Variants in MIS18A observed in about 807,000 individuals in gnomAD.
The protein encoded by MIS18A is MIS18 kinetochore protein A.
Under a neutral mutation model 25.0 loss-of-function variants are expected in MIS18A, and 14 were observed. That is an observed-to-expected ratio of 0.56 (90% confidence interval 0.37 to 0.88). The LOEUF is 0.88. Ranked by LOEUF, MIS18A falls within the 40% of genes least tolerant of loss-of-function variation. The pLI is 0.00. For synonymous variants in MIS18A, 134 were observed against 118.6 expected (o/e 1.13, Z -0.84); for missense variants, 292 against 290.8 (o/e 1.00, Z -0.03).
At chr21:32,199,217 G>C in the MIS18A span, among the ~76,000 whole-genome samples, 1 of 152,098 alleles carries the variant, frequency 6.6e-6, no homozygotes, top group South Asian at 2.1e-4. Flanking sequence ...ACAGGTTTAG[G>C]TATTTTAGGG....
the MIS18A span, among the ~76,000 whole-genome samples, chr21:32,257,251 T>C: frequency 1.3e-5 from 2 of 152,214 alleles, no homozygotes; most frequent in East Asian, 3.8e-4. Context: ...GTAACTCAAA[T>C]GATGGCAAAA....
rs747883684 is a variant in MIS18A at position 32,268,881 on chromosome 21, C to T, written c.*156G>A. 4.1e-5 allele frequency: 21 copies of T among 514,342 alleles called. No individual in the cohort carries two copies. The highest frequency in any genetic ancestry group is 6.2e-5 in the Non-Finnish European group (18 of 288,090). The allele number at this position is 514,342 out of a possible 1,614,324, so 31.9% of individuals were successfully genotyped here. A position where few individuals can be genotyped will look rare whatever the true frequency, so the allele number is the denominator to read the frequency against. Reference sequence around the variant, plus strand: ...CCAAGGCTCACTGCAGCCTCAACCTCCCAAGCTCATCTGATCCTCCCACCT... The same window carrying T: ...CCAAGGCTCACTGCAGCCTCAACCTTCCAAGCTCATCTGATCCTCCCACCT... On this transcript the variant is annotated 3_prime_UTR_variant, in exon 5 of 5. Coordinates refer to ENST00000290130, the MANE Select transcript of MIS18A (RefSeq NM_018944.3).
At chr21:32,274,497 T>C (rs7283034) in intron 2 of MIS18A, among the ~76,000 whole-genome samples, 80,183 of 151,934 alleles carry the variant, frequency 0.53, 23,594 homozygotes, top group African/African-American at 0.8. Flanking sequence ...TGAGCCACCG[T>C]GCCCGACCTT....
the MIS18A span, among the ~76,000 whole-genome samples, chr21:32,248,081 G>A: frequency 2.6e-5 from 4 of 152,274 alleles, no homozygotes; most frequent in Admixed American, 2.6e-4. Context: ...GCCCCAGAAC[G>A]GCTCTGGTCT....
At chr21:32,174,429 A>G in the MIS18A span, among the ~76,000 whole-genome samples, 2 of 152,218 alleles carry the variant, frequency 1.3e-5, no homozygotes, top group Non-Finnish European at 2.9e-5. Flanking sequence ...CTTTAAGACA[A>G]GAAGCACTGC....
At chr21:32,206,497 C>A in the MIS18A span, among the ~76,000 whole-genome samples, 17 of 152,074 alleles carry the variant, frequency 1.1e-4, no homozygotes, top group Non-Finnish European at 2.2e-4. Context: ...CCTCTTTTGT[C>A]TTGGAGTTTT....
intron 2 of MIS18A, among the ~76,000 whole-genome samples, chr21:32,270,787 T>C (rs1396883675): frequency 6.6e-6 from 1 of 152,230 alleles, no homozygotes; most frequent in African/African-American, 2.4e-5. Flanking sequence ...GGTGTTTTTC[T>C]AGAATATAAA....
the MIS18A span, among the ~76,000 whole-genome samples, chr21:32,155,941 C>T: frequency 3.0e-3 from 367 of 120,342 alleles, 2 homozygotes; most frequent in Non-Finnish European, 4.9e-3. Flanking sequence ...ACCAGTGTCA[C>T]CAATTGTTAG....
At chr21:32,205,757 G>A in the MIS18A span, among the ~76,000 whole-genome samples, 1 of 152,142 alleles carries the variant, frequency 6.6e-6, no homozygotes, top group African/African-American at 2.4e-5. Flanking sequence ...TGCCTGAGGG[G>A]GTTGGCAGCT....
chr21:32,196,811 AG>A, the MIS18A span, among the ~76,000 whole-genome samples: 1 of 151,508 alleles, frequency 6.6e-6, no homozygotes, highest in Non-Finnish European at 1.5e-5. Context: ...ATAGAGAGAT[AG>A]GTCGGATAGA....
At chr21:32,257,071 G>A in the MIS18A span, among the ~76,000 whole-genome samples, 1 of 152,154 alleles carries the variant, frequency 6.6e-6, no homozygotes, top group Non-Finnish European at 1.5e-5. Context: ...CCAGGGGCTG[G>A]CATCACGGGA....
intron 3 of MIS18A, 70 bp downstream of exon 3, chr21:32,270,337 T>C: frequency 6.4e-7 from 1 of 1,558,130 alleles, no homozygotes; most frequent in South Asian, 1.1e-5. Flanking sequence ...ATTGATTTAG[T>C]TCTGACAATT....
chr21:32,263,807 CTT>C (rs60800890), downstream of MIS18A, among the ~76,000 whole-genome samples: 13 of 121,054 alleles, frequency 1.1e-4, no homozygotes, highest in Admixed American at 1.7e-4. Flanking sequence ...GGGAAGCCTT[CTT>C]TTTTTTTTTT....
chr21:32,205,389 A>T, the MIS18A span, among the ~76,000 whole-genome samples: 4 of 151,958 alleles, frequency 2.6e-5, no homozygotes, highest in Non-Finnish European at 4.4e-5. Flanking sequence ...AGGCGAATTC[A>T]TCCTTCTTAT....
At chr21:32,167,616 T>C in the MIS18A span, among the ~76,000 whole-genome samples, 3 of 152,112 alleles carry the variant, frequency 2.0e-5, no homozygotes, top group Non-Finnish European at 4.4e-5. Context: ...AAAAACAGCA[T>C]AAGAGACATG....
the MIS18A span, among the ~76,000 whole-genome samples, chr21:32,176,527 A>T: frequency 1.3e-5 from 2 of 152,246 alleles, no homozygotes. Context: ...ATGAATGATA[A>T]TGTAAACATG....
chr21:32,194,166 C>T, the MIS18A span, among the ~76,000 whole-genome samples: 1 of 152,132 alleles, frequency 6.6e-6, no homozygotes, highest in African/African-American at 2.4e-5. Context: ...TGCCTTTCCA[C>T]GCAAGCCCTG....
chr21:32,278,811 C>T lies in MIS18A; in HGVS notation c.204G>A (p.Gln68=). Residue 68 remains glutamine, a synonymous_variant, in exon 1 of 5, where the codon CAG becomes CAA. Transcript: ENST00000290130. ...CCGCAGCCGCCGCCTCCTCCTCCAG[C>T]TGCGCCCTCTCCATGTCGGCCACCG... is the stretch of plus-strand genomic sequence containing the variant. ...DASVADMERA[Q]LEEEAAAAEE... The T allele has an allele frequency of 6.3e-7, 1 of 1,595,216 alleles. No individual in the cohort carries two copies. The highest frequency in any genetic ancestry group is 8.5e-7 in the Non-Finnish European group (1 of 1,173,314).
chr21:32,170,818 T>C, the MIS18A span, among the ~76,000 whole-genome samples: 3 of 152,068 alleles, frequency 2.0e-5, no homozygotes, highest in East Asian at 5.8e-4. Flanking sequence ...AATGTAAGGT[T>C]AGTTTAATAC....
Sources: gnomAD v4.1 joint callset for allele counts (sites outside exome capture counted in the v4.1 genomes callset) on GRCh38, gnomAD v4.1.1 for gene constraint, MANE v1.5 for transcripts, NCBI Gene and HGNC (gene_info 2026-07-23, HGNC 2026-07-21) for gene names.